Variants in OSBPL7 observed in about 807,000 individuals in gnomAD.
The protein encoded by OSBPL7 is oxysterol-binding protein-related protein 7.
In OSBPL7, 66 loss-of-function variants were observed where a neutral mutation model predicts 115.8. The observed-to-expected ratio is 0.57, with a 90% CI of 0.47 to 0.70. The LOEUF (loss-of-function observed/expected upper bound fraction) is 0.70, where lower values mean the gene tolerates loss of function less well. Ranked by LOEUF, OSBPL7 falls within the 30% of genes least tolerant of loss-of-function variation. OSBPL7 has a pLI of 0.00. For missense variants in OSBPL7, 902 were observed against 1,125.5 expected (o/e 0.80, Z 2.84); for synonymous variants, 441 against 439.2 (o/e 1.00, Z -0.05).
At position 47,816,707 on chromosome 17, in the gene OSBPL7, G is replaced by A; in HGVS notation, c.796-12C>T. ...TGGAGACGACCAACCTGTAGGTGAAGGGGAAGGGCTGAAGGGGCCGGCCTC... is the reference window on the plus strand; with the variant it reads ...TGGAGACGACCAACCTGTAGGTGAAAGGGAAGGGCTGAAGGGGCCGGCCTC... On this transcript the variant is annotated splice_polypyrimidine_tract_variant and intron_variant, in intron 9 of 22. Coordinates refer to ENST00000007414, the MANE Select transcript of OSBPL7 (RefSeq NM_145798.3). This position sits in a 1 kb window ranked among gnomAD's most constrained non-coding sequence, Gnocchi z 5.8. 3 of 1,614,098 alleles carry A rather than the reference G, an allele frequency of 1.9e-6. No homozygotes were observed. Among genetic ancestry groups the A allele is most frequent in the East Asian group, 4.5e-5 (2 of 44,874 alleles).
Position 47,819,779 on chromosome 17 carries a change from A to G in OSBPL7, c.205T>C (p.Tyr69His). 1.2e-6 allele frequency: 2 copies of G among 1,614,132 alleles called. No individual in the cohort carries two copies. The highest frequency in any genetic ancestry group is 2.2e-5 in the East Asian group (1 of 44,886). The change falls in exon 4 of 23, where the codon TAC becomes CAC. Residue 69 changes from tyrosine (Y) to histidine (H), a missense_variant. Tyr to His is a moderately conservative substitution (Grantham distance 83). This residue lies in a region of OSBPL7 where 667 missense variants were observed against 788.7 expected (regional missense o/e 0.85). Transcript: ENST00000007414. ...KWPLKGWHKR[Y>H]FVLEDGILHY... ...AGGATCCCGTCCTCGAGCACAAAGT[A>G]TCTCTGTGATGTTGCCCAGGAGTGA...
intron 3 of OSBPL7, 41 bp downstream of exon 3, chr17:47,819,930 G>A (rs766335085): frequency 8.7e-5 from 25 of 287,168 alleles, no homozygotes; most frequent in East Asian, 2.7e-4. Context: ...TTCCCACCCC[G>A]CCCCCCATGT....
Position 47,813,750 on chromosome 17 carries a change from A to T in OSBPL7, c.1436T>A (p.Leu479Gln), listed in dbSNP as rs780628289. ...GATGTTGTTGCGCAGAATGTTCCAC[A>T]GGCTCACGTCAGCCCCAGGCCCGCT... ...AASGPGADVS[L>Q]WNILRNNIGK... The change falls in exon 15 of 23, where the codon CTG becomes CAG. Residue 479 changes from leucine (L) to glutamine (Q), a missense_variant. Physicochemically the swap from Leu to Gln is moderately radical, Grantham distance 113. Transcript: ENST00000007414. The T allele has an allele frequency of 1.2e-6, 2 of 1,613,320 alleles. No individual in the cohort carries two copies. The highest frequency in any genetic ancestry group is 1.7e-6 in the Non-Finnish European group (2 of 1,179,946).
rs926957471 is a variant in OSBPL7, at chr17:47,817,233, C to G, written c.702+23G>C. 9 of 1,559,276 alleles carry G rather than the reference C, an allele frequency of 5.8e-6. No homozygotes were observed. The Admixed American group carries it at 6.3e-5, about 11-fold the overall frequency. ...TGGGATCGGGGGCCTGAGCAGGACC[C>G]TGTGTGTACCCCTGGATCTTACCTG... On this transcript the variant is annotated intron_variant, in intron 8 of 22. Coordinates refer to ENST00000007414, the MANE Select transcript of OSBPL7 (RefSeq NM_145798.3).
In OSBPL7 at chr17:47,819,034, C is replaced by T; in HGVS notation, c.321G>A (p.Lys107=). Residue 107 remains lysine (K), a synonymous_variant, in exon 5 of 23, where the codon AAG becomes AAA. Transcript: ENST00000007414. ...VRLSVMSINK[K]AQRIDLDTED... is the part of the protein sequence containing the mutation. Reference sequence around the variant, plus strand: ...CAGTGTCAAGGTCAATGCGCTGGGCCTTTTTGTTGATGGACATGACCGACA... The same window carrying T: ...CAGTGTCAAGGTCAATGCGCTGGGCTTTTTTGTTGATGGACATGACCGACA... 6.2e-7 allele frequency: 1 copy of T among 1,614,136 alleles called. No homozygotes were observed. Among genetic ancestry groups the T allele is most frequent in the Non-Finnish European group, 8.5e-7 (1 of 1,180,018 alleles).
chr17:47,816,523 C>T lies in OSBPL7; in HGVS notation c.928+40G>A, dbSNP rs1470905540. On this transcript the variant is annotated intron_variant, in intron 10 of 22. Coordinates refer to ENST00000007414, the MANE Select transcript of OSBPL7 (RefSeq NM_145798.3). This position sits in a 1 kb window ranked among gnomAD's most constrained non-coding sequence, Gnocchi z 5.8. ...CAGACCATCAGAGTCCTCGCTCGCTCCTGTCCGCTCCCCACCAGCCCCTCC... is the reference window on the plus strand; with the variant it reads ...CAGACCATCAGAGTCCTCGCTCGCTTCTGTCCGCTCCCCACCAGCCCCTCC... 1.9e-6 allele frequency: 3 copies of T among 1,582,774 alleles called. No homozygotes were observed. The Admixed American group carries it at 5.4e-5, about 29-fold the overall frequency.
Position 47,813,252 on chromosome 17 carries a change from T to C in OSBPL7, c.1737+14A>G, listed in dbSNP as rs757182735. On this transcript the variant is annotated intron_variant, in intron 16 of 22. Coordinates refer to ENST00000007414, the MANE Select transcript of OSBPL7 (RefSeq NM_145798.3). ...CAGACACCCAAGGCCAGCCCTCTTCTCCCAAGGCCATACCTGCTCACTGAT... is the reference window on the plus strand; with the variant it reads ...CAGACACCCAAGGCCAGCCCTCTTCCCCCAAGGCCATACCTGCTCACTGAT... 6.2e-7 allele frequency: 1 copy of C among 1,613,480 alleles called. No homozygotes were observed. The highest frequency in any genetic ancestry group is 2.2e-5 in the East Asian group (1 of 44,864).
rs1460138146 is a variant in OSBPL7, at chr17:47,816,139, C to A, written c.1087G>T (p.Ala363Ser). The A allele has an allele frequency of 6.4e-7, 1 of 1,551,188 alleles. No individual in the cohort carries two copies. The highest frequency in any genetic ancestry group is 1.2e-5 in the South Asian group (1 of 84,044). Residue 363 changes from alanine to serine, a missense_variant, in exon 12 of 23, where the codon GCG (alanine) becomes TCG (serine). By Grantham distance (99) the Ala-to-Ser change is moderately conservative (BLOSUM62 1). Transcript: ENST00000007414. This position sits in a 1 kb window ranked among gnomAD's most constrained non-coding sequence, Gnocchi z 5.8. ...HSLSTSSDTT[A>S]DSFSSLNPEE... ...GGGTTGAGGGAGCTGAAAGAGTCCG[C>A]CGTGGTGTCGGAGGAGGTGGACAGT...
In OSBPL7 at chr17:47,816,498, C is replaced by T. The variant is rs1029371545; in HGVS notation, c.929-16G>A. ...GAGCTGTGCACTACAGGGAGTGGGG[C>T]AGACCATCAGAGTCCTCGCTCGCTC... On this transcript the variant is annotated splice_polypyrimidine_tract_variant and intron_variant, in intron 10 of 22. Coordinates refer to ENST00000007414, the MANE Select transcript of OSBPL7 (RefSeq NM_145798.3). This position sits in a 1 kb window ranked among gnomAD's most constrained non-coding sequence, Gnocchi z 5.8. The T allele has an allele frequency of 1.9e-6, 3 of 1,552,094 alleles. No individual in the cohort carries two copies. Among genetic ancestry groups the T allele is most frequent in the African/African-American group, 2.7e-5 (2 of 73,412 alleles).
At position 47,813,746 on chromosome 17, in the gene OSBPL7, C is replaced by G. The variant is rs1428643806; in HGVS notation, c.1440G>C (p.Trp480Cys). 1 of 1,613,242 alleles carries G rather than the reference C, an allele frequency of 6.2e-7. No homozygotes were observed. Among genetic ancestry groups the G allele is most frequent in the Non-Finnish European group, 8.5e-7 (1 of 1,179,976 alleles). Residue 480 changes from tryptophan to cysteine, a missense_variant, in exon 15 of 23, where the codon TGG becomes TGC. Trp to Cys is a radical substitution (Grantham distance 215, BLOSUM62 -2). This residue lies in a region of OSBPL7 where 667 missense variants were observed against 788.7 expected (regional missense o/e 0.85). Transcript: ENST00000007414. ...TGCCGATGTTGTTGCGCAGAATGTTCCACAGGCTCACGTCAGCCCCAGGCC... is the reference window on the plus strand; with the variant it reads ...TGCCGATGTTGTTGCGCAGAATGTTGCACAGGCTCACGTCAGCCCCAGGCC... ...ASGPGADVSL[W>C]NILRNNIGKD... is the part of the protein sequence containing the mutation.
In OSBPL7 at chr17:47,808,683, G is replaced by A. The variant is rs777227116; in HGVS notation, c.2298-23C>T. On this transcript the variant is annotated intron_variant, in intron 21 of 22. Coordinates refer to ENST00000007414, the MANE Select transcript of OSBPL7 (RefSeq NM_145798.3). This position sits in a 1 kb window ranked among gnomAD's most constrained non-coding sequence, Gnocchi z 6.1. ...TACCTGAGGATCCAGATCAAACTCAGGGGAACTGCCCATCTGCAGGGGCCC... is the reference window on the plus strand; with the variant it reads ...TACCTGAGGATCCAGATCAAACTCAAGGGAACTGCCCATCTGCAGGGGCCC... The A allele has an allele frequency of 2.5e-6, 4 of 1,613,732 alleles. No individual in the cohort carries two copies. The East Asian group carries it at 8.9e-5, about 36-fold the overall frequency.
chr17:47,816,964 G>T lies in OSBPL7; in HGVS notation c.703-92C>A, dbSNP rs1197387989. The T allele has an allele frequency of 2.4e-6, 3 of 1,259,056 alleles. No individual in the cohort carries two copies. Among genetic ancestry groups the T allele is most frequent in the African/African-American group, 2.9e-5 (2 of 67,974 alleles). 78.0% of individuals were successfully genotyped at this position (1,259,056 alleles called of 1,614,324 possible). ...CTGGGAGAGGTAGACGGCCTCCTGC[G>T]CCATGGAGGAGGGCGCAGATTACCC... On this transcript the variant is annotated intron_variant, in intron 8 of 22. Coordinates refer to ENST00000007414, the MANE Select transcript of OSBPL7 (RefSeq NM_145798.3). This position sits in a 1 kb window ranked among gnomAD's most constrained non-coding sequence, Gnocchi z 5.8.
At chr17:47,817,114 C>G in intron 8 of OSBPL7, 142 bp downstream of exon 8, 1 of 727,456 alleles carries the variant, frequency 1.4e-6, no homozygotes, top group Non-Finnish European at 2.3e-6. Flanking sequence ...ACAGTTTGGA[C>G]ATGGGTAAGG....
rs910004090 is a variant in OSBPL7, at chr17:47,821,708, C to G, written c.-130G>C. The stretch of plus-strand genomic sequence containing the variant: ...CCAGTACTCCTTGGCCCTTGCGCCG[C>G]TCTGCCTCTGAGTCACCGTCTCCGA... On this transcript the variant is annotated 5_prime_UTR_variant, in exon 1 of 23. Transcript: ENST00000007414. The G allele has an allele frequency of 6.6e-6, 1 of 152,366 alleles. No homozygotes were observed. 9.4% of individuals were successfully genotyped at this position (152,366 alleles called of 1,614,324 possible).
At position 47,815,364 on chromosome 17, in the gene OSBPL7, G is replaced by C. The variant is rs765460754; in HGVS notation, c.1120-12C>G. 55 of 1,612,928 alleles carry C rather than the reference G, an allele frequency of 3.4e-5. No individual in the cohort carries two copies. The highest frequency in any genetic ancestry group is 4.2e-5 in the Non-Finnish European group (49 of 1,179,684). On this transcript the variant is annotated splice_polypyrimidine_tract_variant and intron_variant, in intron 12 of 22. Coordinates refer to ENST00000007414, the MANE Select transcript of OSBPL7 (RefSeq NM_145798.3). Reference sequence around the variant, plus strand: ...TACAGAGCTTCTTGCTGTGGGAGCAGCCAGATGGATGTCAGGCTCCGGGGC... The same window carrying C: ...TACAGAGCTTCTTGCTGTGGGAGCACCCAGATGGATGTCAGGCTCCGGGGC...
intron 1 of OSBPL7, 173 bp from the exon 2 acceptor site, chr17:47,820,538 G>GTGAAATGCC (rs1461030162): frequency 2.1e-6 from 1 of 481,496 alleles, no homozygotes; most frequent in Admixed American, 3.6e-5. Context: ...ACCTGATATG[G>GTGAAATGCC]ACACTGCCCT....
chr17:47,814,922 G>A (rs1457804315), intron 13 of OSBPL7: 2 of 559,956 alleles, frequency 3.6e-6, no homozygotes, highest in Non-Finnish European at 6.3e-6. Flanking sequence ...AGGGAATCAA[G>A]GGAGTGCTGA....
Position 47,816,163 on chromosome 17 carries a change from GT to G in OSBPL7, c.1062del (p.Leu355CysfsTer25). The part of the protein sequence containing the change: ...EASTGQRRLH[S>X]LSTSSDTTAD... ...GCCGTGGTGTCGGAGGAGGTGGACA[GT>G]GAGTGGAGGCGCCTCTGGCCAGTGG... On this transcript the variant is annotated frameshift_variant, in exon 12 of 23. Coordinates refer to ENST00000007414, the MANE Select transcript of OSBPL7 (RefSeq NM_145798.3). LOFTEE classifies it high-confidence loss of function. This position sits in a 1 kb window ranked among gnomAD's most constrained non-coding sequence, Gnocchi z 5.8. The G allele has an allele frequency of 6.4e-7, 1 of 1,551,022 alleles. No individual in the cohort carries two copies. The highest frequency in any genetic ancestry group is 8.7e-7 in the Non-Finnish European group (1 of 1,147,008).
chr17:47,819,071 A>T lies in OSBPL7; in HGVS notation c.284T>A (p.Ile95Asn). 1.2e-6 allele frequency: 2 copies of T among 1,614,094 alleles called. No individual in the cohort carries two copies. Among genetic ancestry groups the T allele is most frequent in the Non-Finnish European group, 1.7e-6 (2 of 1,179,992 alleles). The change falls in exon 5 of 23, where the codon ATC becomes AAC. Residue 95 changes from isoleucine (I) to asparagine (N), a missense_variant. Around this residue, in one of 3 missense-constraint regions of OSBPL7, gnomAD observed 667 missense variants for 788.7 expected, o/e 0.85. Transcript: ENST00000007414. ...GGACATGACCGACAGCCGGACATCGATGGAGCCATGGAGCTTCCCCTTGGT... is the reference window on the plus strand; with the variant it reads ...GGACATGACCGACAGCCGGACATCGTTGGAGCCATGGAGCTTCCCCTTGGT... ...DITKGKLHGS[I>N]DVRLSVMSIN...
Sources: gnomAD v4.1 joint callset for allele counts on GRCh38, gnomAD v4.1.1 for gene constraint, gnomAD v4.1.1 regional missense constraint, Gnocchi (gnomAD v3.1) non-coding constraint, MANE v1.5 for transcripts, NCBI Gene and HGNC (gene_info 2026-07-23, HGNC 2026-07-21) for gene names.